The following CTNNA3 variants were observed in gnomAD, a reference collection of about 807,000 sequenced individuals.
The protein encoded by CTNNA3 is catenin alpha-3.
In CTNNA3, 76 loss-of-function variants were observed where a neutral mutation model predicts 95.7. That is an observed-to-expected ratio of 0.79 (90% CI 0.66 to 0.96). CTNNA3 has a LOEUF of 0.96. CTNNA3 is among the 40% of genes least tolerant of loss of function. The probability of loss-of-function intolerance (pLI) is 0.00; values close to 1 mark genes in which losing one functional copy is unlikely to be tolerated. For synonymous variants in CTNNA3, 431 were observed against 374.4 expected, an observed-to-expected ratio of 1.15 and a Z score of -1.74; for missense variants, 1,191 against 1,089.8, an observed-to-expected ratio of 1.09 and a Z score of -1.31.
intron 14 of CTNNA3, among the ~76,000 whole-genome samples, chr10:66,100,309 T>C (rs1406967506): frequency 6.6e-6 from 1 of 152,156 alleles, no homozygotes; most frequent in African/African-American, 2.4e-5. Flanking sequence ...TCGTGCCTCA[T>C]ATAAGGTTGT....
chr10:66,857,152 T>C (rs1564727301), intron 7 of CTNNA3, among the ~76,000 whole-genome samples: 1 of 151,862 alleles, frequency 6.6e-6, no homozygotes, highest in Non-Finnish European at 1.5e-5. Context: ...CACAATTTAT[T>C]AAGGGAGTCC....
chr10:67,621,013 G>A (rs547361853), intron 2 of CTNNA3, among the ~76,000 whole-genome samples: 142 of 150,822 alleles, frequency 9.4e-4, no homozygotes, highest in African/African-American at 3.2e-3. Context: ...GGCATAGAAG[G>A]GGCACCATTT....
intron 7 of CTNNA3, among the ~76,000 whole-genome samples, chr10:67,160,319 A>C (rs973465888): frequency 2.7e-4 from 41 of 152,306 alleles, no homozygotes; most frequent in Admixed American, 1.4e-3. Flanking sequence ...GCATTTCCTC[A>C]AAAAAATTAA....
At chr10:67,644,455 A>G (rs1250253662) in intron 2 of CTNNA3, among the ~76,000 whole-genome samples, 1 of 152,102 alleles carries the variant, frequency 6.6e-6, no homozygotes, top group East Asian at 1.9e-4. Flanking sequence ...TTGAAAAACA[A>G]AAAAGAATGT....
chr10:66,166,112 A>T (rs1055438105), intron 13 of CTNNA3, among the ~76,000 whole-genome samples: 1 of 152,082 alleles, frequency 6.6e-6, no homozygotes, highest in African/African-American at 2.4e-5. Context: ...ATCTCATTTG[A>T]ACCTCAAACA....
At chr10:67,660,707 G>C (rs997678170) in intron 1 of CTNNA3, among the ~76,000 whole-genome samples, 1 of 151,992 alleles carries the variant, frequency 6.6e-6, no homozygotes, top group East Asian at 1.9e-4. Context: ...CCGAGGCGGT[G>C]GATCATGAGG....
At position 66,927,749 on chromosome 10, in the gene CTNNA3, C is replaced by T; in HGVS notation, c.1048-152225G>A. 1.9e-6 allele frequency: 3 copies of T among 1,614,112 alleles called. No homozygotes were observed. In the South Asian group the frequency reaches 3.3e-5, roughly 18 times the overall value. On this transcript the variant is annotated intron_variant, in intron 7 of 17. Transcript: ENST00000433211. The surrounding 1 kb of genome is among the most constrained non-coding windows in gnomAD (Gnocchi z 4.7). ...GGACCCAGTGTTTTCCAGTGTGTCC[C>T]GAATCTGCAGCGCCTCAACCTGGAT...
chr10:66,369,884 A>G (rs2092740538), intron 12 of CTNNA3, among the ~76,000 whole-genome samples: 1 of 152,094 alleles, frequency 6.6e-6, no homozygotes, highest in Admixed American at 6.6e-5. Flanking sequence ...AAACGTGGCA[A>G]TATAATTATA....
chr10:66,158,074 A>T (rs1049461761), intron 13 of CTNNA3, among the ~76,000 whole-genome samples: 6 of 152,142 alleles, frequency 3.9e-5, no homozygotes, highest in African/African-American at 1.2e-4. Flanking sequence ...CCTTTGTCAG[A>T]TGTACAGATT....
At chr10:67,180,290 G>A (rs1862458958) in intron 7 of CTNNA3, 27 bp downstream of exon 7, 2 of 1,593,104 alleles carry the variant, frequency 1.3e-6, no homozygotes, top group Middle Eastern at 3.3e-4. Context: ...GAGGGGCTAG[G>A]GATGGGAAGG....
intron 15 of CTNNA3, among the ~76,000 whole-genome samples, chr10:66,027,750 C>T (rs536886747): frequency 5.3e-5 from 8 of 152,062 alleles, no homozygotes; most frequent in African/African-American, 1.7e-4. Flanking sequence ...AAAAATGAGG[C>T]TAATATTTGG....
rs75997935 is a variant in CTNNA3, at chr10:65,973,176, T to G, written c.2266-6430A>C. 0.013 allele frequency among the ~76,000 whole-genome samples: 2,011 copies of G among 152,236 alleles called. 108 individuals carry two copies. In the East Asian group the frequency reaches 0.18, roughly 14 times the overall value. On this transcript the variant is annotated intron_variant, in intron 16 of 17. Coordinates refer to ENST00000433211, the MANE Select transcript of CTNNA3 (RefSeq NM_013266.4). The stretch of plus-strand genomic sequence containing the variant: ...CAGAAGAATTAAACTGGACCCCTAT[T>G]TTTCATCATCTAGAAAAATTAACTC...
chr10:66,393,995 G>A (rs534040524), intron 11 of CTNNA3, among the ~76,000 whole-genome samples: 1 of 151,998 alleles, frequency 6.6e-6, no homozygotes, highest in East Asian at 1.9e-4. Flanking sequence ...ATGTATAATG[G>A]GAAGGGAAAA....
At chr10:67,472,311 A>G (rs982544366) in intron 5 of CTNNA3, among the ~76,000 whole-genome samples, 2 of 152,158 alleles carry the variant, frequency 1.3e-5, no homozygotes, top group Non-Finnish European at 2.9e-5. Context: ...TTCCCCTCTT[A>G]TCTGTTCTAT....
rs138947110 is a variant in CTNNA3, at chr10:66,644,260, CTCTG to C, written c.1282-22480_1282-22477del. Among the ~76,000 whole-genome samples, 1,156 of 144,412 alleles carry C rather than the reference CTCTG, an allele frequency of 8.0e-3. 16 individuals carry two copies. The highest frequency in any genetic ancestry group is 0.027 in the African/African-American group (1,031 of 38,760). 94.7% of individuals were successfully genotyped at this position (144,412 alleles called of 152,430 possible). A position where few individuals can be genotyped will look rare whatever the true frequency, so the allele number is the denominator to read the frequency against. ...AGTGACGGAATAAGAGACTTGGTCT[CTCTG>C]TCTGTCTGTCTGTCTGTCTGTCTGT... On this transcript the variant is annotated intron_variant, in intron 9 of 17. Coordinates refer to ENST00000433211, the MANE Select transcript of CTNNA3 (RefSeq NM_013266.4).
At chr10:66,674,126 T>C (rs577250892) in intron 9 of CTNNA3, among the ~76,000 whole-genome samples, 2 of 152,014 alleles carry the variant, frequency 1.3e-5, no homozygotes, top group Admixed American at 1.3e-4. Context: ...AAGATTTATG[T>C]ATTGGGTGTT....
intron 7 of CTNNA3, among the ~76,000 whole-genome samples, chr10:66,931,052 G>C (rs1847358258): frequency 6.6e-6 from 1 of 151,860 alleles, no homozygotes; most frequent in African/African-American, 2.4e-5. Flanking sequence ...TCCATCCCAT[G>C]GTACTTTCTG....
intron 8 of CTNNA3, among the ~76,000 whole-genome samples, chr10:66,771,708 T>G (rs954838983): frequency 1.3e-5 from 2 of 152,196 alleles, no homozygotes; most frequent in Non-Finnish European, 2.9e-5. Context: ...GCATTATTTA[T>G]TGTTTTAGGA....
intron 13 of CTNNA3, among the ~76,000 whole-genome samples, chr10:66,248,880 T>C (rs1196945682): frequency 2.6e-5 from 4 of 152,116 alleles, no homozygotes; most frequent in African/African-American, 9.7e-5. Context: ...ACTCACATTA[T>C]CTGATTTCAA....
Sources: gnomAD v4.1 joint callset for allele counts (sites outside exome capture counted in the v4.1 genomes callset) on GRCh38, gnomAD v4.1.1 for gene constraint, Gnocchi (gnomAD v3.1) non-coding constraint, MANE v1.5 for transcripts, NCBI Gene and HGNC (gene_info 2026-07-23, HGNC 2026-07-21) for gene names.